Variants in MCF2L2 observed in about 807,000 individuals in gnomAD.
MCF2L2 encodes the protein probable guanine nucleotide exchange factor MCF2L2.
In MCF2L2, 102 loss-of-function variants were observed where a neutral mutation model predicts 150.2. That is an observed-to-expected ratio of 0.68 (90% CI 0.58 to 0.80). MCF2L2 has a LOEUF of 0.80. Ranked by LOEUF, MCF2L2 falls within the 30% of genes least tolerant of loss-of-function variation. The pLI is 0.00. For missense variants in MCF2L2, 1,256 were observed against 1,372.8 expected (o/e 0.91, Z 1.34); for synonymous variants, 465 against 491.3 (o/e 0.95, Z 0.71).
chr3:183,262,895 C>T (rs1725752651), intron 15 of MCF2L2, among the ~76,000 whole-genome samples: 1 of 151,960 alleles, frequency 6.6e-6, no homozygotes, highest in Non-Finnish European at 1.5e-5. Flanking sequence ...CCCAGCAGCC[C>T]TGGAGGTGTC....
intron 1 of MCF2L2, among the ~76,000 whole-genome samples, chr3:183,420,830 A>G (rs1415727399): frequency 4.6e-5 from 7 of 152,166 alleles, no homozygotes; most frequent in African/African-American, 1.4e-4. Context: ...CACTGTCAAA[A>G]GAATAGCCTG....
At chr3:183,346,262 T>C (rs1397420036) in intron 3 of MCF2L2, among the ~76,000 whole-genome samples, 3 of 151,592 alleles carry the variant, frequency 2.0e-5, no homozygotes, top group Non-Finnish European at 4.4e-5. Flanking sequence ...ACTCAACATA[T>C]GCAAATCAAT....
At chr3:183,206,246 A>G (rs761759081) in intron 23 of MCF2L2, 32 bp from the exon 24 acceptor site, 1 of 1,480,854 alleles carries the variant, frequency 6.8e-7, no homozygotes, top group African/African-American at 1.4e-5. Context: ...AATGTTCTAT[A>G]CCATCGTTTT....
Position 183,309,611 on chromosome 3 carries a change from C to T in MCF2L2, c.1113+105G>A, listed in dbSNP as rs542233709. 1.3e-5 allele frequency: 19 copies of T among 1,445,200 alleles called. No individual in the cohort carries two copies. The African/African-American group carries it at 1.4e-4, about 11-fold the overall frequency. The allele number at this position is 1,445,200 out of a possible 1,614,324, so 89.5% of individuals were successfully genotyped here. A position where few individuals can be genotyped will look rare whatever the true frequency, so the allele number is the denominator to read the frequency against. The stretch of plus-strand genomic sequence containing the variant: ...GGGGTGACTGAAGGGCAGGACTGGG[C>T]ATTCCTGTGTCCTTTAGCAACCTTC... On this transcript the variant is annotated intron_variant, in intron 10 of 29. Coordinates refer to ENST00000328913, the MANE Select transcript of MCF2L2 (RefSeq NM_015078.4).
intron 22 of MCF2L2, among the ~76,000 whole-genome samples, chr3:183,209,935 T>TA (rs1000217159): frequency 0.02 from 2,803 of 141,384 alleles, 44 homozygotes; most frequent in East Asian, 0.068. Context: ...AATCCTCCCC[T>TA]AAAAAAAAAA....
At chr3:183,400,683 G>A (rs576005731) in intron 1 of MCF2L2, 43 of 262,440 alleles carry the variant, frequency 1.6e-4, no homozygotes, top group African/African-American at 7.9e-4. Flanking sequence ...ATTATCAGAC[G>A]TACTCATTTA....
Position 183,428,066 on chromosome 3 carries a change from A to G in MCF2L2, c.-89T>C, listed in dbSNP as rs1716268669. 2 of 981,984 alleles carry G rather than the reference A, an allele frequency of 2.0e-6. No homozygotes were observed. The highest frequency in any genetic ancestry group is 3.3e-6 in the Non-Finnish European group (2 of 609,924). 60.8% of individuals were successfully genotyped at this position (981,984 alleles called of 1,614,324 possible). On this transcript the variant is annotated 5_prime_UTR_variant, in exon 1 of 30. Coordinates refer to ENST00000328913, the MANE Select transcript of MCF2L2 (RefSeq NM_015078.4). This position sits in a 1 kb window ranked among gnomAD's most constrained non-coding sequence, Gnocchi z 5.1. The stretch of plus-strand genomic sequence containing the variant: ...TGATTTTTTAAAGGCATCTCCGCCC[A>G]AGGATGCTCTGCCCTCGCCCTCTTC...
At chr3:183,418,526 G>A (rs897932385) in intron 1 of MCF2L2, among the ~76,000 whole-genome samples, 2 of 152,208 alleles carry the variant, frequency 1.3e-5, no homozygotes, top group Admixed American at 6.5e-5. Flanking sequence ...TTCTGCCTAT[G>A]AGCCTGTAAA....
intron 3 of MCF2L2, among the ~76,000 whole-genome samples, chr3:183,351,250 T>C (rs200115404): frequency 3.8e-4 from 37 of 96,730 alleles, no homozygotes; most frequent in Admixed American, 6.1e-4. Context: ...ATTTATTTAT[T>C]TATCAGAACC....
chr3:183,278,214 TTTA>T (rs1186830034), intron 14 of MCF2L2, among the ~76,000 whole-genome samples: 3 of 148,618 alleles, frequency 2.0e-5, no homozygotes, highest in Non-Finnish European at 3.0e-5. Context: ...ATATATATTT[TTTA>T]TTATATTGTT....
At chr3:183,409,299 A>G (rs993389112) in intron 1 of MCF2L2, among the ~76,000 whole-genome samples, 5 of 152,180 alleles carry the variant, frequency 3.3e-5, no homozygotes, top group African/African-American at 4.8e-5. Flanking sequence ...ACTGGTTTAT[A>G]TATCACTTTG....
rs146696756 is a variant in MCF2L2 at position 183,186,224 on chromosome 3, C to A, written c.3017-6065G>T. Reference sequence around the variant, plus strand: ...CAATAAGATTAAAATATAAGGTCACCCCAATTTTAGTATGGCTCCATTTAA... The same window carrying A: ...CAATAAGATTAAAATATAAGGTCACACCAATTTTAGTATGGCTCCATTTAA... On this transcript the variant is annotated intron_variant, in intron 27 of 29. Coordinates refer to ENST00000328913, the MANE Select transcript of MCF2L2 (RefSeq NM_015078.4). Among the ~76,000 whole-genome samples the A allele has an allele frequency of 2.9e-3, 436 of 152,080 alleles. 2 individuals carry two copies. The highest frequency in any genetic ancestry group is 9.8e-3 in the African/African-American group (407 of 41,472).
chr3:183,355,942 C>A lies in MCF2L2; in HGVS notation c.276-14312G>T, dbSNP rs550212236. ...TAGGGCAGTGGGCCCCTCCTTCCCCCCTCCCCTCCCCTTGTGAATAAAGAG... is the reference window on the plus strand; with the variant it reads ...TAGGGCAGTGGGCCCCTCCTTCCCCACTCCCCTCCCCTTGTGAATAAAGAG... On this transcript the variant is annotated intron_variant, in intron 3 of 29. Coordinates refer to ENST00000328913, the MANE Select transcript of MCF2L2 (RefSeq NM_015078.4). Among the ~76,000 whole-genome samples the A allele has an allele frequency of 3.3e-5, 5 of 152,152 alleles. No homozygotes were observed. In the South Asian group the frequency reaches 1.0e-3, roughly 32 times the overall value.
chr3:183,311,578 T>C, intron 8 of MCF2L2, 70 bp downstream of exon 8: 1 of 1,580,362 alleles, frequency 6.3e-7, no homozygotes, highest in Non-Finnish European at 8.6e-7. Flanking sequence ...CAATCTGTTC[T>C]TGGTTGCTCC....
chr3:183,314,219 T>G (rs1336341541), intron 7 of MCF2L2, among the ~76,000 whole-genome samples: 1 of 152,168 alleles, frequency 6.6e-6, no homozygotes, highest in Non-Finnish European at 1.5e-5. Context: ...TCGGGAGCAC[T>G]CTCTGATTGT....
chr3:183,358,298 AAAAT>A (rs1711910051), intron 3 of MCF2L2, among the ~76,000 whole-genome samples: 1 of 152,158 alleles, frequency 6.6e-6, no homozygotes, highest in Non-Finnish European at 1.5e-5. Context: ...TGTCACAAGA[AAAAT>A]AAATAAATAA....
chr3:183,229,316 T>A (rs914371725), intron 17 of MCF2L2, among the ~76,000 whole-genome samples: 12 of 152,230 alleles, frequency 7.9e-5, no homozygotes, highest in African/African-American at 2.9e-4. Context: ...TGGAGATGTG[T>A]ATCTTGGTCA....
chr3:183,373,478 A>G (rs2089589), intron 3 of MCF2L2: 48,488 of 152,002 alleles, frequency 0.32, 11,780 homozygotes, highest in African/African-American at 0.68. Context: ...CCTCCCTCCA[A>G]CTTTCAATTT....
In MCF2L2 at chr3:183,295,333, C is replaced by A; in HGVS notation, c.1642G>T (p.Val548Leu). Residue 548 changes from valine to leucine, a missense_variant, in exon 13 of 30, where the codon GTG (valine) becomes TTG (leucine). Coordinates refer to ENST00000328913, the MANE Select transcript of MCF2L2 (RefSeq NM_015078.4). Reference sequence around the variant, plus strand: ...GAGGGCTGGCTGGTTTTTGATGACACCCATTTTGGTGAAGACTCAGGATGT... The same window carrying A: ...GAGGGCTGGCTGGTTTTTGATGACAACCATTTTGGTGAAGACTCAGGATGT... ...APHPESSPKW[V>L]SSKTSQPSTS... 1 of 1,611,310 alleles carries A rather than the reference C, an allele frequency of 6.2e-7. No individual in the cohort carries two copies. Among genetic ancestry groups the A allele is most frequent in the Non-Finnish European group, 8.5e-7 (1 of 1,178,938 alleles).
Sources: gnomAD v4.1 joint callset for allele counts (sites outside exome capture counted in the v4.1 genomes callset) on GRCh38, gnomAD v4.1.1 for gene constraint, Gnocchi (gnomAD v3.1) non-coding constraint, MANE v1.5 for transcripts, NCBI Gene and HGNC (gene_info 2026-07-23, HGNC 2026-07-21) for gene names.